SLC39A8: variants seen among roughly 807,000 people sequenced by gnomAD.
SLC39A8 encodes the protein solute carrier family 39 member 8.
Under a neutral mutation model 40.4 loss-of-function variants are expected in SLC39A8, and 15 were observed. That is an observed-to-expected ratio of 0.37 (90% CI 0.25 to 0.57). The LOEUF (loss-of-function observed/expected upper bound fraction) is 0.57. Ranked by LOEUF, SLC39A8 falls within the 20% of genes least tolerant of loss-of-function variation. SLC39A8 has a pLI of 0.75. For missense variants in SLC39A8, 472 were observed against 558.8 expected (o/e 0.84, Z 1.57); for synonymous variants, 223 against 221.6 (o/e 1.01, Z -0.06).
rs2149000665 is a variant in SLC39A8 at position 102,262,010 on chromosome 4, TATGGAAAAGTATA to T, written c.*1021_*1033del. The T allele has an allele frequency of 1.0e-6, 1 of 985,836 alleles. No homozygotes were observed. The highest frequency in any genetic ancestry group is 1.2e-6 in the Non-Finnish European group (1 of 829,818). The allele number at this position is 985,836 out of a possible 1,614,324, so 61.1% of individuals were successfully genotyped here. A position where few individuals can be genotyped will look rare whatever the true frequency, so the allele number is the denominator to read the frequency against. On this transcript the variant is annotated 3_prime_UTR_variant, in exon 9 of 9. Coordinates refer to ENST00000356736, the MANE Select transcript of SLC39A8 (RefSeq NM_001135146.2). ...TGCTAATTTTTTTCAAGGTATACCA[TATGGAAAAGTATA>T]GGCTGAACACAAAGGAAGTCTTTTC...
At chr4:102,331,679 T>G (rs1251837713) in intron 2 of SLC39A8, among the ~76,000 whole-genome samples, 5 of 152,172 alleles carry the variant, frequency 3.3e-5, no homozygotes, top group African/African-American at 1.2e-4. Context: ...AAATTTCATA[T>G]GGAACCAAAC....
In SLC39A8 at chr4:102,304,316, C is replaced by A; in HGVS notation, c.840+1G>T. 6.2e-7 allele frequency: 1 copy of A among 1,607,236 alleles called. No homozygotes were observed. The highest frequency in any genetic ancestry group is 2.2e-5 in the East Asian group (1 of 44,702). On this transcript the variant is annotated splice_donor_variant, in intron 6 of 8. Transcript: ENST00000356736. LOFTEE classifies it high-confidence loss of function. ...GAAGGAAAAATGGAATTAACATATA[C>A]CTGTAGAGATACCACACTGACATTA...
intron 2 of SLC39A8, among the ~76,000 whole-genome samples, chr4:102,339,723 A>C (rs949867044): frequency 6.6e-6 from 1 of 152,292 alleles, no homozygotes; most frequent in South Asian, 2.1e-4. Flanking sequence ...CAGAGCCTTT[A>C]TATTACCTTC....
At chr4:102,328,920 C>T (rs559802686) in intron 2 of SLC39A8, among the ~76,000 whole-genome samples, 74 of 150,840 alleles carry the variant, frequency 4.9e-4, no homozygotes, top group Non-Finnish European at 8.1e-4. Context: ...CCCAGCTACT[C>T]GGGAGGCTGA....
intron 6 of SLC39A8, among the ~76,000 whole-genome samples, chr4:102,295,902 G>T (rs1733659927): frequency 6.6e-6 from 1 of 152,114 alleles, no homozygotes; most frequent in South Asian, 2.1e-4. Context: ...CTGGGGAAAA[G>T]CAAGTAGTTC....
intron 6 of SLC39A8, among the ~76,000 whole-genome samples, chr4:102,298,628 A>C (rs1191486162): frequency 6.6e-6 from 1 of 152,232 alleles, no homozygotes; most frequent in Non-Finnish European, 1.5e-5. Flanking sequence ...CCAGATATAC[A>C]TATTTATCTC....
chr4:102,254,508 G>C (rs1031940879), intron 11 of SLC39A8, among the ~76,000 whole-genome samples: 2 of 152,166 alleles, frequency 1.3e-5, no homozygotes, highest in African/African-American at 2.4e-5. Flanking sequence ...TTGGAAGAAA[G>C]TGAAATATAA....
intron 2 of SLC39A8, among the ~76,000 whole-genome samples, chr4:102,336,100 C>T (rs1284461201): frequency 4.6e-5 from 7 of 152,028 alleles, no homozygotes. Flanking sequence ...TTATTGGAAG[C>T]AATATAGGTA....
intron 11 of SLC39A8, chr4:102,253,439 C>T: frequency 1.4e-6 from 1 of 715,472 alleles, no homozygotes; most frequent in Admixed American, 2.0e-5. Flanking sequence ...GCCTGACAGA[C>T]AAAGAGAAGG....
chr4:102,264,410 A>T (rs1269012990), intron 8 of SLC39A8, among the ~76,000 whole-genome samples: 3 of 152,170 alleles, frequency 2.0e-5, no homozygotes, highest in Non-Finnish European at 4.4e-5. Flanking sequence ...TAAAATACTC[A>T]CTAAACCATG....
At chr4:102,335,022 G>A (rs1432109452) in intron 2 of SLC39A8, among the ~76,000 whole-genome samples, 1 of 152,114 alleles carries the variant, frequency 6.6e-6, no homozygotes, top group Non-Finnish European at 1.5e-5. Context: ...CCACAGTAAA[G>A]GCCCTACCCA....
At chr4:102,253,632 G>T (rs898637987) in intron 11 of SLC39A8, among the ~76,000 whole-genome samples, 5 of 151,650 alleles carry the variant, frequency 3.3e-5, no homozygotes, top group Non-Finnish European at 7.4e-5. Context: ...ATCCCACCAA[G>T]ACTTCTTCTA....
At chr4:102,267,445 T>TTTC in intron 8 of SLC39A8, 45 bp downstream of exon 8, 1 of 1,523,250 alleles carries the variant, frequency 6.6e-7, no homozygotes. Context: ...GATACTCATT[T>TTTC]CCAAATTTTA....
intron 8 of SLC39A8, among the ~76,000 whole-genome samples, chr4:102,266,364 G>C (rs1020533229): frequency 6.7e-6 from 1 of 148,730 alleles, no homozygotes; most frequent in African/African-American, 2.6e-5. Context: ...TTGGTTCTAA[G>C]AGATGAAATC....
chr4:102,262,289 C>G lies in SLC39A8; in HGVS notation c.*755G>C. 1.0e-6 allele frequency: 1 copy of G among 985,732 alleles called. No individual in the cohort carries two copies. The highest frequency in any genetic ancestry group is 1.2e-6 in the Non-Finnish European group (1 of 829,924). The allele number at this position is 985,732 out of a possible 1,614,324, so 61.1% of individuals were successfully genotyped here. ...ACCGAGGTGTTACCAGCTTTACATA[C>G]TGTTCTGCCATTTGTGAGGGGTGCA... On this transcript the variant is annotated 3_prime_UTR_variant, in exon 9 of 9. Transcript: ENST00000356736.
intron 2 of SLC39A8, among the ~76,000 whole-genome samples, chr4:102,318,277 T>C (rs1734748465): frequency 6.6e-6 from 1 of 152,152 alleles, no homozygotes; most frequent in Non-Finnish European, 1.5e-5. Flanking sequence ...TCAGGGATAG[T>C]CACGGTAGTC....
At chr4:102,282,829 C>T (rs558846432) in intron 6 of SLC39A8, among the ~76,000 whole-genome samples, 9 of 152,264 alleles carry the variant, frequency 5.9e-5, no homozygotes, top group East Asian at 3.9e-4. Flanking sequence ...CCGGTTCAAG[C>T]GATTCTCTTG....
intron 2 of SLC39A8, among the ~76,000 whole-genome samples, chr4:102,319,326 T>C (rs541893335): frequency 1.2e-4 from 19 of 152,102 alleles, no homozygotes; most frequent in Non-Finnish European, 2.5e-4. Flanking sequence ...ACAATTGAGA[T>C]CTGGTTATAA....
chr4:102,344,220 C>G (rs990391800), intron 2 of SLC39A8, among the ~76,000 whole-genome samples: 1 of 152,126 alleles, frequency 6.6e-6, no homozygotes, highest in African/African-American at 2.4e-5. Context: ...GTTCATCAGG[C>G]GTAAAACTGC....
Sources: allele counts gnomAD v4.1 joint callset (sites outside exome capture counted in the v4.1 genomes callset), GRCh38; gene constraint gnomAD v4.1.1; transcripts MANE v1.5; gene names NCBI Gene and HGNC (gene_info 2026-07-23, HGNC 2026-07-21).